The following RBFOX1 variants were observed in gnomAD, a reference collection of about 807,000 sequenced individuals.
RBFOX1 encodes RNA binding fox-1 homolog 1, also known as RNA binding protein fox-1 homolog 1.
Under a neutral mutation model 57.7 loss-of-function variants are expected in RBFOX1, and 8 were observed. The ratio of observed to expected loss-of-function variants is 0.14; its 90% CI spans 0.08 to 0.25. RBFOX1 has a LOEUF of 0.25. RBFOX1 is among the 10% of genes least tolerant of loss of function. The pLI, the probability that RBFOX1 is intolerant of heterozygous loss-of-function variation, is 1.00. For synonymous variants in RBFOX1, 326 were observed against 222.4 expected (o/e 1.47, Z -4.15); for missense variants, 611 against 548.5 (o/e 1.11, Z -1.14).
chr16:5,452,117 T>TCTC (rs1491173284), intron 1 of RBFOX1, among the ~76,000 whole-genome samples: 1 of 32,900 alleles, frequency 3.0e-5, no homozygotes, highest in Non-Finnish European at 5.3e-5. Context: ...TCTCTCTCTC[T>TCTC]TTTTTTTTTT....
chr16:6,638,471 C>G (rs2098462023), intron 2 of RBFOX1, among the ~76,000 whole-genome samples: 1 of 152,050 alleles, frequency 6.6e-6, no homozygotes, highest in Non-Finnish European at 1.5e-5. Context: ...CGCATTGAGA[C>G]TTACACATTT....
chr16:7,519,326 G>A (rs1266143543), intron 5 of RBFOX1, among the ~76,000 whole-genome samples: 3 of 152,120 alleles, frequency 2.0e-5, no homozygotes, highest in African/African-American at 7.2e-5. Context: ...CTGGACCAAA[G>A]GGCAGGGGCT....
intron 2 of RBFOX1, among the ~76,000 whole-genome samples, chr16:6,642,512 G>T (rs1045879425): frequency 6.6e-6 from 1 of 151,842 alleles, no homozygotes; most frequent in Non-Finnish European, 1.5e-5. Context: ...GAGTTACCCG[G>T]CCTTTTACCC....
intron 3 of RBFOX1, among the ~76,000 whole-genome samples, chr16:5,718,530 G>C (rs1030127489): frequency 5.9e-5 from 9 of 152,248 alleles, no homozygotes; most frequent in African/African-American, 2.2e-4. Flanking sequence ...GCTTGGAAGA[G>C]AGAAAATCAA....
chr16:6,648,415 C>G (rs1462238254), intron 2 of RBFOX1, among the ~76,000 whole-genome samples: 1 of 152,076 alleles, frequency 6.6e-6, no homozygotes, highest in Non-Finnish European at 1.5e-5. Flanking sequence ...TAGGAAGTTC[C>G]TCATACTCCC....
chr16:7,270,837 C>G (rs968877267), intron 4 of RBFOX1, among the ~76,000 whole-genome samples: 2 of 152,148 alleles, frequency 1.3e-5, no homozygotes, highest in African/African-American at 4.8e-5. Context: ...TCTGAGCCAA[C>G]TCTCTAAAAC....
intron 3 of RBFOX1, among the ~76,000 whole-genome samples, chr16:5,753,716 G>A (rs1431649656): frequency 6.6e-6 from 1 of 152,172 alleles, no homozygotes; most frequent in East Asian, 1.9e-4. Context: ...TCTGTCCCCA[G>A]AAAGTTGGTT....
At chr16:6,852,993 T>C (rs1215783051) in intron 3 of RBFOX1, among the ~76,000 whole-genome samples, 2 of 152,162 alleles carry the variant, frequency 1.3e-5, no homozygotes, top group African/African-American at 2.4e-5. Context: ...ACCCTATGGA[T>C]GGACAATCTC....
intron 1 of RBFOX1, among the ~76,000 whole-genome samples, chr16:5,426,779 G>A (rs148634866): frequency 3.3e-5 from 5 of 152,258 alleles, no homozygotes; most frequent in African/African-American, 1.2e-4. Context: ...GCTACTTGCT[G>A]GCCAAGTGCT....
In RBFOX1 at chr16:5,454,931, C is replaced by G. The variant is rs1286568519; in HGVS notation, c.220-12285C>G. Among the ~76,000 whole-genome samples, 13 of 34,544 alleles carry G rather than the reference C, an allele frequency of 3.8e-4. 1 individual carries two copies. The highest frequency in any genetic ancestry group is 2.4e-4 in the African/African-American group (2 of 8,376). 22.7% of individuals were successfully genotyped at this position (34,544 alleles called of 152,430 possible). A position where few individuals can be genotyped will look rare whatever the true frequency, so the allele number is the denominator to read the frequency against. ...CTTTCTTTCCTTTGTTTCTTTCTTC[C>G]TTCCTTCCTTCCTTCCTTCCTTCCT... On this transcript the variant is annotated intron_variant, in intron 1 of 2. Transcript: ENST00000585867.
chr16:6,095,167 G>A (rs1317466113), intron 1 of RBFOX1, among the ~76,000 whole-genome samples: 1 of 152,154 alleles, frequency 6.6e-6, no homozygotes, highest in African/African-American at 2.4e-5. Context: ...CATTACTGGA[G>A]GTTATTAACA....
intron 3 of RBFOX1, among the ~76,000 whole-genome samples, chr16:5,713,763 C>A (rs545013918): frequency 1.3e-5 from 2 of 152,180 alleles, no homozygotes; most frequent in South Asian, 4.1e-4. Context: ...CTGCCCCCCT[C>A]CCTGGAACAT....
intron 5 of RBFOX1, among the ~76,000 whole-genome samples, chr16:7,562,994 G>C (rs1025449080): frequency 6.6e-6 from 1 of 152,186 alleles, no homozygotes; most frequent in Non-Finnish European, 1.5e-5. Flanking sequence ...TGACCCAGGG[G>C]ATTGCAATGC....
chr16:7,560,740 C>A (rs1161208176), intron 5 of RBFOX1, among the ~76,000 whole-genome samples: 2 of 152,090 alleles, frequency 1.3e-5, no homozygotes, highest in Non-Finnish European at 2.9e-5. Flanking sequence ...CTCATTGGAG[C>A]CACAAATGAC....
At chr16:6,846,662 A>G (rs1215590708) in intron 3 of RBFOX1, among the ~76,000 whole-genome samples, 1 of 152,222 alleles carries the variant, frequency 6.6e-6, no homozygotes, top group Non-Finnish European at 1.5e-5. Flanking sequence ...ACAGACGTCA[A>G]ATAACCAATA....
At chr16:7,215,087 T>C (rs1182437990) in intron 4 of RBFOX1, among the ~76,000 whole-genome samples, 2 of 152,148 alleles carry the variant, frequency 1.3e-5, no homozygotes, top group Admixed American at 6.5e-5. Context: ...GGCCCTGGTG[T>C]GTGATGTTCG....
intron 3 of RBFOX1, among the ~76,000 whole-genome samples, chr16:5,860,509 C>T (rs896588645): frequency 6.6e-6 from 1 of 152,156 alleles, no homozygotes; most frequent in Non-Finnish European, 1.5e-5. Flanking sequence ...TGCTTGCTCC[C>T]ATTTGTCAAG....
intron 4 of RBFOX1, among the ~76,000 whole-genome samples, chr16:7,308,594 A>C (rs1293106138): frequency 2.0e-5 from 3 of 152,204 alleles, no homozygotes; most frequent in African/African-American, 7.2e-5. Context: ...GTTTGTTTTA[A>C]GTAGTGAAGT....
Position 7,572,843 on chromosome 16 carries a change from G to GAATGAATAAATAAATAAATAAATA in RBFOX1, c.271-6931_271-6930insGAATAAATAAATAAATAAATAAAT, listed in dbSNP as rs71394322. On this transcript the variant is annotated intron_variant, in intron 5 of 15. Transcript: ENST00000550418. ...AACAGAGTGAGAGTCTCTCTCAAAT[G>GAATGAATAAATAAATAAATAAATA]AATAAATAAATAAATAAATAAAATG... Among the ~76,000 whole-genome samples, 105 of 146,772 alleles carry GAATGAATAAATAAATAAATAAATA rather than the reference G, an allele frequency of 7.2e-4. 1 individual carries two copies. Among genetic ancestry groups the GAATGAATAAATAAATAAATAAATA allele is most frequent in the African/African-American group, 1.2e-3 (48 of 39,982 alleles).
Sources: allele counts gnomAD v4.1 joint callset (sites outside exome capture counted in the v4.1 genomes callset), GRCh38; gene constraint gnomAD v4.1.1; transcripts MANE v1.5; gene names NCBI Gene and HGNC (gene_info 2026-07-23, HGNC 2026-07-21).